The following DCC variants were observed in gnomAD, a reference collection of about 807,000 sequenced individuals.
DCC encodes the protein DCC netrin 1 receptor, also known as netrin receptor DCC.
DCC carries 58 observed loss-of-function variants against 172.5 expected under a neutral mutation model. The observed-to-expected ratio is 0.34, with a 90% CI of 0.27 to 0.42. DCC has a LOEUF of 0.42. Among genes scored for constraint, DCC ranks in the 10% least tolerant of loss-of-function variants. The pLI is 1.00. For missense variants in DCC, 1,740 were observed against 1,791.0 expected, an observed-to-expected ratio of 0.97 and a Z score of 0.51; for synonymous variants, 709 against 644.5, an observed-to-expected ratio of 1.10 and a Z score of -1.52.
At chr18:52,921,443 A>G (rs1408640463) in intron 3 of DCC, among the ~76,000 whole-genome samples, 1 of 152,114 alleles carries the variant, frequency 6.6e-6, no homozygotes, top group East Asian at 1.9e-4. Context: ...TCACGCCTGT[A>G]ATCCCAGCAC....
intron 1 of DCC, among the ~76,000 whole-genome samples, chr18:52,411,801 G>A (rs1389883851): frequency 6.6e-6 from 1 of 152,134 alleles, no homozygotes; most frequent in Non-Finnish European, 1.5e-5. Flanking sequence ...AATATCACGA[G>A]ACGAAATAGA....
At chr18:52,610,733 G>C (rs1319212670) in intron 1 of DCC, among the ~76,000 whole-genome samples, 2 of 152,162 alleles carry the variant, frequency 1.3e-5, no homozygotes, top group African/African-American at 2.4e-5. Context: ...ATATGTAAAT[G>C]AATGGGTGTG....
intron 25 of DCC, among the ~76,000 whole-genome samples, chr18:53,479,710 T>C (rs2045809598): frequency 6.6e-6 from 1 of 152,166 alleles, no homozygotes; most frequent in Non-Finnish European, 1.5e-5. Context: ...TTTTAGATGA[T>C]GGAGTATAAA....
At chr18:52,348,680 T>C (rs1370703889) in intron 1 of DCC, among the ~76,000 whole-genome samples, 1 of 152,226 alleles carries the variant, frequency 6.6e-6, no homozygotes, top group Non-Finnish European at 1.5e-5. Flanking sequence ...TTTCTTCTAC[T>C]AAGCAACCCT....
chr18:53,032,489 A>T (rs1599048091), intron 5 of DCC, among the ~76,000 whole-genome samples: 1 of 152,186 alleles, frequency 6.6e-6, no homozygotes, highest in South Asian at 2.1e-4. Context: ...ATTTTGAATA[A>T]AAGTCTAATT....
chr18:53,395,664 A>G (rs1908882434), intron 17 of DCC, among the ~76,000 whole-genome samples: 1 of 152,184 alleles, frequency 6.6e-6, no homozygotes, highest in South Asian at 2.1e-4. Flanking sequence ...TATTTTTAAG[A>G]TGGAGTCTCG....
At chr18:52,774,073 C>G (rs959535954) in intron 2 of DCC, among the ~76,000 whole-genome samples, 1 of 152,196 alleles carries the variant, frequency 6.6e-6, no homozygotes, top group African/African-American at 2.4e-5. Flanking sequence ...TTGTGATATT[C>G]AGAATGATTA....
At chr18:52,680,506 C>G (rs953052115) in intron 1 of DCC, among the ~76,000 whole-genome samples, 3 of 152,096 alleles carry the variant, frequency 2.0e-5, no homozygotes, top group Non-Finnish European at 4.4e-5. Context: ...CATCAGAGGT[C>G]TTATCTCAGT....
intron 1 of DCC, among the ~76,000 whole-genome samples, chr18:52,352,922 A>G (rs575037967): frequency 6.6e-6 from 1 of 152,316 alleles, no homozygotes; most frequent in East Asian, 1.9e-4. Flanking sequence ...ACACCCAGAC[A>G]TACTCAATTA....
intron 1 of DCC, among the ~76,000 whole-genome samples, chr18:52,497,218 G>T (rs1478638584): frequency 2.1e-5 from 3 of 140,904 alleles, no homozygotes; most frequent in Non-Finnish European, 4.5e-5. Flanking sequence ...CTATGATGGC[G>T]CCACTGCTCT....
intron 5 of DCC, among the ~76,000 whole-genome samples, chr18:52,987,862 G>A (rs1213415465): frequency 6.6e-6 from 1 of 152,188 alleles, no homozygotes. Flanking sequence ...CTGCACAAAT[G>A]TATTTCATAT....
At chr18:53,476,364 T>G (rs576825733) in intron 25 of DCC, among the ~76,000 whole-genome samples, 1 of 152,296 alleles carries the variant, frequency 6.6e-6, no homozygotes, top group South Asian at 2.1e-4. Context: ...AATCTCATCT[T>G]GAATTCCCAT....
chr18:52,976,961 C>T (rs1227495690), intron 5 of DCC, among the ~76,000 whole-genome samples: 3 of 152,138 alleles, frequency 2.0e-5, no homozygotes, highest in African/African-American at 7.2e-5. Context: ...CTCATTAATT[C>T]ATGCGATAAA....
At chr18:52,467,709 GTTGTTTACTAACTTTTTAATAATCTTCAT>G (rs1988827900) in intron 1 of DCC, among the ~76,000 whole-genome samples, 2 of 152,112 alleles carry the variant, frequency 1.3e-5, no homozygotes, top group African/African-American at 4.8e-5. Flanking sequence ...TCCAGCATCT[GTTGTTTACTAACTTTTTAATAATCTTCAT>G]TCTAACTGGC....
chr18:52,862,366 CTG>C (rs1365072049), intron 2 of DCC, among the ~76,000 whole-genome samples: 3 of 152,008 alleles, frequency 2.0e-5, no homozygotes, highest in African/African-American at 7.3e-5. Flanking sequence ...TCACCGGTCA[CTG>C]TAAAATAATA....
At chr18:53,306,027 A>G (rs1373731130) in intron 13 of DCC, among the ~76,000 whole-genome samples, 1 of 152,180 alleles carries the variant, frequency 6.6e-6, no homozygotes, top group African/African-American at 2.4e-5. Context: ...TTTAACCAGT[A>G]ACTTTTAAAA....
At chr18:52,420,329 A>G (rs1000952573) in intron 1 of DCC, among the ~76,000 whole-genome samples, 2 of 152,174 alleles carry the variant, frequency 1.3e-5, no homozygotes, top group Admixed American at 1.3e-4. Flanking sequence ...TGTGCTTACC[A>G]GGATGTAGTG....
chr18:53,297,064 G>A (rs1391683219), intron 12 of DCC, among the ~76,000 whole-genome samples: 1 of 152,178 alleles, frequency 6.6e-6, no homozygotes, highest in Non-Finnish European at 1.5e-5. Flanking sequence ...GAGATGTGGA[G>A]TTAAAAATAT....
intron 7 of DCC, among the ~76,000 whole-genome samples, chr18:53,111,926 A>G (rs2043338812): frequency 6.6e-6 from 1 of 151,626 alleles, no homozygotes; most frequent in South Asian, 2.1e-4. Flanking sequence ...TCACTGATCT[A>G]CCAGGAAATG....
Sources: gnomAD v4.1 joint callset for allele counts (sites outside exome capture counted in the v4.1 genomes callset) on GRCh38, gnomAD v4.1.1 for gene constraint, MANE v1.5 for transcripts, NCBI Gene and HGNC (gene_info 2026-07-23, HGNC 2026-07-21) for gene names.